The following CSE1L variants were observed in gnomAD, a reference collection of about 807,000 sequenced individuals.
CSE1L encodes the protein chromosome segregation 1 like, also known as exportin-2.
CSE1L carries 24 observed loss-of-function variants against 120.4 expected under a neutral mutation model. The ratio of observed to expected loss-of-function variants is 0.20; its 90% CI spans 0.14 to 0.28. The LOEUF (loss-of-function observed/expected upper bound fraction) is 0.28. Ranked by LOEUF, CSE1L falls within the 10% of genes least tolerant of loss-of-function variation. CSE1L has a pLI of 1.00. For synonymous variants in CSE1L, 402 were observed against 398.3 expected, an observed-to-expected ratio of 1.01 and a Z score of -0.11; for missense variants, 830 against 1,145.2, an observed-to-expected ratio of 0.72 and a Z score of 3.97.
intron 2 of CSE1L, among the ~76,000 whole-genome samples, chr20:49,058,865 C>A (rs1444239111): frequency 6.6e-6 from 1 of 152,172 alleles, no homozygotes; most frequent in African/African-American, 2.4e-5. Flanking sequence ...GATGCGGTGG[C>A]TCACACCTGT....
At chr20:49,073,313 A>C (rs548078124) in intron 10 of CSE1L, among the ~76,000 whole-genome samples, 2 of 152,160 alleles carry the variant, frequency 1.3e-5, no homozygotes, top group Non-Finnish European at 2.9e-5. Context: ...TCGCCCAGAA[A>C]TAGCTGTTTT....
chr20:49,089,941 G>C (rs2092088158), intron 19 of CSE1L, among the ~76,000 whole-genome samples, 195 bp downstream of exon 19: 1 of 151,930 alleles, frequency 6.6e-6, no homozygotes, highest in African/African-American at 2.4e-5. Flanking sequence ...AACGTGGTGA[G>C]ATCTATCTCT....
At chr20:49,090,409 A>C (rs1307622896) in intron 19 of CSE1L, among the ~76,000 whole-genome samples, 1 of 152,098 alleles carries the variant, frequency 6.6e-6, no homozygotes, top group African/African-American at 2.4e-5. Context: ...AATAAAAATT[A>C]GGTGGGTGTG....
chr20:49,075,422 C>T lies in CSE1L; in HGVS notation c.1237C>T (p.Leu413=), dbSNP rs766206797. 1 of 1,614,012 alleles carries T rather than the reference C, an allele frequency of 6.2e-7. No homozygotes were observed. Among genetic ancestry groups the T allele is most frequent in the South Asian group, 1.1e-5 (1 of 91,072 alleles). Residue 413 remains leucine, a synonymous_variant, in exon 12 of 25, where the codon CTG becomes TTG. Coordinates refer to ENST00000262982, the MANE Select transcript of CSE1L (RefSeq NM_001316.4). ...GIFSGYVNSM[L]QEYAKNPSVN... ...CTTCTCTGGTTATGTTAATTCCATG[C>T]TGCAGGAATACGCAAAAAATCCATC...
chr20:49,048,140 C>G (rs759402973), intron 1 of CSE1L, among the ~76,000 whole-genome samples: 114 of 141,754 alleles, frequency 8.0e-4, no homozygotes, highest in Non-Finnish European at 1.2e-3. Flanking sequence ...CTGTGTGTGT[C>G]TCTCTCTTTT....
At chr20:49,061,080 A>T (rs1171952028) in intron 2 of CSE1L, among the ~76,000 whole-genome samples, 1 of 152,156 alleles carries the variant, frequency 6.6e-6, no homozygotes, top group Admixed American at 6.5e-5. Context: ...TAAAGAAGTA[A>T]TGTGTTCCTG....
chr20:49,095,006 AATGGGAGGG>A (rs1303049120), intron 24 of CSE1L, 43 bp downstream of exon 24: 1 of 1,466,982 alleles, frequency 6.8e-7, no homozygotes, highest in East Asian at 2.3e-5. Context: ...TGGAGACTTT[AATGGGAGGG>A]CAAAAGGATA....
chr20:49,077,779 G>T (rs1184488448), intron 13 of CSE1L, among the ~76,000 whole-genome samples: 3 of 152,178 alleles, frequency 2.0e-5, no homozygotes, highest in Non-Finnish European at 4.4e-5. Context: ...ACTGAGGCGG[G>T]AGGATCGTGA....
chr20:49,073,232 C>G (rs1276875003), intron 10 of CSE1L, among the ~76,000 whole-genome samples: 1 of 152,144 alleles, frequency 6.6e-6, no homozygotes, highest in Non-Finnish European at 1.5e-5. Flanking sequence ...AGGGTAGTCT[C>G]AAACTCTTGA....
At position 49,096,676 on chromosome 20, in the gene CSE1L, CAGTG is replaced by C. The variant is rs2092143901; in HGVS notation, c.*239_*242del. ...CTTCAAGGGACAAGTATTAATAGTT[CAGTG>C]TATGGCGTTGGTTTGTGTTGAGCGT... On this transcript the variant is annotated 3_prime_UTR_variant, in exon 25 of 25. Transcript: ENST00000262982. 1 of 544,646 alleles carries C rather than the reference CAGTG, an allele frequency of 1.8e-6. No individual in the cohort carries two copies. Among genetic ancestry groups the C allele is most frequent in the African/African-American group, 1.9e-5 (1 of 52,606 alleles). 33.7% of individuals were successfully genotyped at this position (544,646 alleles called of 1,614,324 possible). A position where few individuals can be genotyped will look rare whatever the true frequency, so the allele number is the denominator to read the frequency against.
chr20:49,047,485 T>C (rs1227414257), intron 1 of CSE1L, among the ~76,000 whole-genome samples: 1 of 151,002 alleles, frequency 6.6e-6, no homozygotes, highest in Non-Finnish European at 1.5e-5. Context: ...GCAGGCCGCC[T>C]CTCCCAAGTT....
intron 21 of CSE1L, 125 bp downstream of exon 21, chr20:49,091,147 G>T: frequency 1.4e-6 from 1 of 711,490 alleles, no homozygotes; most frequent in East Asian, 2.7e-5. Context: ...ACTTGGCCAC[G>T]TGTGGAGGTT....
intron 1 of CSE1L, among the ~76,000 whole-genome samples, chr20:49,050,544 A>C (rs1044387539): frequency 6.6e-6 from 1 of 151,346 alleles, no homozygotes; most frequent in Middle Eastern, 3.2e-3. Flanking sequence ...CTGGGATTAC[A>C]GGCGCATGCC....
At position 49,085,342 on chromosome 20, in the gene CSE1L, C is replaced by T. The variant is rs749473551; in HGVS notation, c.1679C>T (p.Ala560Val). ...VEILLTNLFK[A>V]LTLPGSSENE... ...ATTCTGCTAACAAACCTTTTCAAAG[C>T]TCTCACACTTCCTGGCTCTTCAGAA... The change falls in exon 16 of 25, where the codon GCT (alanine) becomes GTT (valine). Residue 560 changes from alanine to valine, a missense_variant. Coordinates refer to ENST00000262982, the MANE Select transcript of CSE1L (RefSeq NM_001316.4). 5 of 1,613,934 alleles carry T rather than the reference C, an allele frequency of 3.1e-6. No homozygotes were observed. The highest frequency in any genetic ancestry group is 1.3e-5 in the African/African-American group (1 of 75,002).
chr20:49,079,320 G>T (rs189257240), intron 14 of CSE1L, among the ~76,000 whole-genome samples: 2 of 151,900 alleles, frequency 1.3e-5, no homozygotes, highest in Non-Finnish European at 1.5e-5. Flanking sequence ...TCTGCCTTCC[G>T]GGTTCAAGTG....
At chr20:49,069,679 C>T (rs2091918043) in intron 7 of CSE1L, among the ~76,000 whole-genome samples, 1 of 152,208 alleles carries the variant, frequency 6.6e-6, no homozygotes, top group Non-Finnish European at 1.5e-5. Context: ...TTTTTGCTTA[C>T]ACCTTTTGAA....
At chr20:49,064,086 C>A (rs1378439634) in intron 3 of CSE1L, among the ~76,000 whole-genome samples, 1 of 152,142 alleles carries the variant, frequency 6.6e-6, no homozygotes, top group Non-Finnish European at 1.5e-5. Context: ...AGGATTGCTA[C>A]TGGAATCTAG....
intron 1 of CSE1L, among the ~76,000 whole-genome samples, chr20:49,057,036 A>G (rs2091813872): frequency 6.6e-6 from 1 of 152,108 alleles, no homozygotes; most frequent in Non-Finnish European, 1.5e-5. Flanking sequence ...GTTAGCTTAA[A>G]ATTTGTGGGC....
At chr20:49,052,190 ATGT>A (rs1249624484) in intron 1 of CSE1L, among the ~76,000 whole-genome samples, 1 of 152,168 alleles carries the variant, frequency 6.6e-6, no homozygotes, top group Non-Finnish European at 1.5e-5. Flanking sequence ...GGTGACTGAC[ATGT>A]TGTGACTTAT....
Sources: gnomAD v4.1 joint callset for allele counts (sites outside exome capture counted in the v4.1 genomes callset) on GRCh38, gnomAD v4.1.1 for gene constraint, MANE v1.5 for transcripts, NCBI Gene and HGNC (gene_info 2026-07-23, HGNC 2026-07-21) for gene names.